Variants in RBFOX1 observed in about 807,000 individuals in gnomAD.
RBFOX1 encodes the protein RNA binding protein fox-1 homolog 1.
Under a neutral mutation model 57.7 loss-of-function variants are expected in RBFOX1, and 8 were observed. That is an observed-to-expected ratio of 0.14 (90% CI 0.08 to 0.25). The LOEUF (loss-of-function observed/expected upper bound fraction) is 0.25, where lower values mean the gene tolerates loss of function less well. Ranked by LOEUF, RBFOX1 falls within the 10% of genes least tolerant of loss-of-function variation. The pLI, the probability that RBFOX1 is intolerant of heterozygous loss-of-function variation, is 1.00. For synonymous variants in RBFOX1, 326 were observed against 222.4 expected, an observed-to-expected ratio of 1.47 and a Z score of -4.15; for missense variants, 611 against 548.5, an observed-to-expected ratio of 1.11 and a Z score of -1.14.
At chr16:6,264,102 T>C (rs866878972) in intron 1 of RBFOX1, among the ~76,000 whole-genome samples, 2 of 152,220 alleles carry the variant, frequency 1.3e-5, no homozygotes, top group African/African-American at 2.4e-5. Context: ...TCAAAACTTA[T>C]AGTTACACAA....
chr16:7,023,475 G>C (rs184246111), intron 3 of RBFOX1, among the ~76,000 whole-genome samples: 43 of 140,498 alleles, frequency 3.1e-4, no homozygotes, highest in Admixed American at 1.9e-3. Flanking sequence ...AAAAAAGAGA[G>C]AAATGAATGA....
intron 2 of RBFOX1, among the ~76,000 whole-genome samples, chr16:6,477,688 G>T (rs952559640): frequency 1.3e-4 from 20 of 152,314 alleles, no homozygotes; most frequent in African/African-American, 4.3e-4. Context: ...AAGAGCGTCA[G>T]CTTGTCCTTT....
chr16:5,268,003 C>G (rs1204546233), intron 1 of RBFOX1, among the ~76,000 whole-genome samples: 2 of 152,008 alleles, frequency 1.3e-5, no homozygotes, highest in South Asian at 2.1e-4. Flanking sequence ...CGCTTGAACC[C>G]AGGAGGCGGA....
intron 1 of RBFOX1, among the ~76,000 whole-genome samples, chr16:6,115,640 A>G (rs2096489596): frequency 6.6e-6 from 1 of 152,200 alleles, no homozygotes; most frequent in African/African-American, 2.4e-5. Context: ...GCTAGTGGTC[A>G]GCAAACTTTT....
chr16:6,874,782 G>GT (rs938594409), intron 3 of RBFOX1, among the ~76,000 whole-genome samples: 4 of 152,078 alleles, frequency 2.6e-5, no homozygotes, highest in Admixed American at 1.3e-4. Context: ...GAGGGGAAGG[G>GT]TGGGAGGTGG....
intron 15 of RBFOX1, chr16:7,710,396 A>T (rs2083814370): frequency 2.2e-6 from 3 of 1,385,870 alleles, no homozygotes; most frequent in East Asian, 2.8e-5. Context: ...AGCTAAGAGG[A>T]CTGGCTGACA....
chr16:6,605,801 C>T (rs745981808), intron 2 of RBFOX1, among the ~76,000 whole-genome samples: 1 of 152,096 alleles, frequency 6.6e-6, no homozygotes, highest in Non-Finnish European at 1.5e-5. Context: ...GGAAACTATA[C>T]TTGAAATATG....
At chr16:6,802,059 T>C (rs1018228927) in intron 3 of RBFOX1, among the ~76,000 whole-genome samples, 4 of 151,640 alleles carry the variant, frequency 2.6e-5, no homozygotes, top group Admixed American at 1.3e-4. Context: ...GCCTGGGGAG[T>C]TTCTTCAGAT....
chr16:6,963,981 A>C (rs562849050), intron 3 of RBFOX1, among the ~76,000 whole-genome samples: 78 of 151,806 alleles, frequency 5.1e-4, no homozygotes, highest in Middle Eastern at 3.4e-3. Context: ...TACAGGCGTG[A>C]GCCACTGCGC....
intron 7 of RBFOX1, 21 bp downstream of exon 7, chr16:7,587,321 T>G: frequency 6.6e-7 from 1 of 1,524,368 alleles, no homozygotes; most frequent in Non-Finnish European, 8.8e-7. Flanking sequence ...TAATTCACTT[T>G]AGAATTGTTT....
intron 4 of RBFOX1, among the ~76,000 whole-genome samples, chr16:7,392,371 C>G (rs2098046474): frequency 6.6e-6 from 1 of 152,134 alleles, no homozygotes; most frequent in African/African-American, 2.4e-5. Flanking sequence ...GTTTCCTCCA[C>G]TCAGGAGTAA....
At chr16:7,101,253 A>G (rs1369792365) in intron 4 of RBFOX1, among the ~76,000 whole-genome samples, 1 of 152,180 alleles carries the variant, frequency 6.6e-6, no homozygotes, top group Non-Finnish European at 1.5e-5. Context: ...ATAGAGAGAA[A>G]CCGAGTGAGT....
intron 4 of RBFOX1, among the ~76,000 whole-genome samples, chr16:7,422,041 G>A (rs1176150467): frequency 6.6e-6 from 1 of 152,196 alleles, no homozygotes; most frequent in African/African-American, 2.4e-5. Context: ...CACAGTCTCA[G>A]TTATTATGCT....
chr16:5,357,758 C>G (rs1567381415), intron 1 of RBFOX1, among the ~76,000 whole-genome samples: 1 of 152,178 alleles, frequency 6.6e-6, no homozygotes, highest in Non-Finnish European at 1.5e-5. Context: ...TAGTCAGAAT[C>G]TCCCCCTTTG....
rs551776941 is a variant in RBFOX1, at chr16:5,681,438, G to T, written c.318+82477G>T. On this transcript the variant is annotated intron_variant, in intron 3 of 19. Coordinates refer to the RBFOX1 transcript ENST00000641259. Reference sequence around the variant, plus strand: ...AGTTTCTCTCTTGTTGTCCAGCCTGGAGTGCAATGGTGTGATCTCAGCTCA... The same window carrying T: ...AGTTTCTCTCTTGTTGTCCAGCCTGTAGTGCAATGGTGTGATCTCAGCTCA... 2.0e-5 allele frequency among the ~76,000 whole-genome samples: 3 copies of T among 149,292 alleles called. No homozygotes were observed. In the East Asian group the frequency reaches 5.9e-4, roughly 29 times the overall value.
intron 4 of RBFOX1, among the ~76,000 whole-genome samples, chr16:7,405,256 G>A (rs1032056640): frequency 2.6e-5 from 4 of 152,200 alleles, no homozygotes; most frequent in Admixed American, 6.5e-5. Flanking sequence ...TTAGCACGGC[G>A]CAGCGCTGAT....
At chr16:7,227,991 C>G (rs1349561941) in intron 4 of RBFOX1, among the ~76,000 whole-genome samples, 2 of 152,174 alleles carry the variant, frequency 1.3e-5, no homozygotes, top group Non-Finnish European at 1.5e-5. Context: ...AGCAGTATCT[C>G]TGGCCTCAAT....
intron 1 of RBFOX1, among the ~76,000 whole-genome samples, chr16:6,063,579 A>G (rs2095717838): frequency 6.6e-6 from 1 of 151,654 alleles, no homozygotes; most frequent in Non-Finnish European, 1.5e-5. Context: ...CCAAAACTAC[A>G]TCCTGGGTCC....
At chr16:5,758,997 C>T (rs533552406) in intron 3 of RBFOX1, among the ~76,000 whole-genome samples, 3 of 152,316 alleles carry the variant, frequency 2.0e-5, no homozygotes, top group African/African-American at 7.2e-5. Context: ...TGCAGTTAAA[C>T]CATGGTGAGT....
Sources: allele counts gnomAD v4.1 joint callset (sites outside exome capture counted in the v4.1 genomes callset), GRCh38; gene constraint gnomAD v4.1.1; transcripts MANE v1.5; gene names NCBI Gene and HGNC (gene_info 2026-07-23, HGNC 2026-07-21).